Variants in EEF1G observed in about 807,000 individuals in gnomAD.
The protein encoded by EEF1G is eukaryotic translation elongation factor 1 gamma.
EEF1G carries 14 observed loss-of-function variants against 58.3 expected under a neutral mutation model. The observed-to-expected ratio is 0.24, with a 90% CI of 0.16 to 0.38. The LOEUF (loss-of-function observed/expected upper bound fraction) is 0.38. EEF1G is among the 10% of genes least tolerant of loss of function. The probability of loss-of-function intolerance (pLI) is 1.00; values close to 1 mark genes in which losing one functional copy is unlikely to be tolerated. For synonymous variants in EEF1G, 180 were observed against 206.8 expected (o/e 0.87, Z 1.11); for missense variants, 322 against 550.1 (o/e 0.59, Z 4.15).
In EEF1G at chr11:62,571,605, C is replaced by T. The variant is rs1402884316; in HGVS notation, c.313G>A (p.Asp105Asn). 7 of 1,589,610 alleles carry T rather than the reference C, an allele frequency of 4.4e-6. No homozygotes were observed. Among genetic ancestry groups the T allele is most frequent in the Middle Eastern group, 1.7e-4 (1 of 6,032 alleles). The stretch of plus-strand genomic sequence containing the variant: ...CAGGTACTGGCTGGGGGCACTATAT[C>T]GGAATCAGCAAAGCTCACCCACTGC... ...VVQWVSFADS[D>N]IVPPASTWVF... Residue 105 changes from aspartate (D) to asparagine (N), a missense_variant, in exon 4 of 10, where the codon GAT (aspartate) becomes AAT (asparagine). Asp to Asn is a conservative substitution (Grantham distance 23, BLOSUM62 1). Around this residue, in one of 3 missense-constraint regions of EEF1G, gnomAD observed 52 missense variants for 139.4 expected, o/e 0.37. Transcript: ENST00000329251.
Position 62,560,321 on chromosome 11 carries a change from C to G in EEF1G, c.991G>C (p.Glu331Gln), listed in dbSNP as rs767502960. Residue 331 changes from glutamate (E) to glutamine (Q), a missense_variant, in exon 8 of 10, where the codon GAA becomes CAA. Coordinates refer to ENST00000329251, the MANE Select transcript of EEF1G (RefSeq NM_001404.5). ...CAGCTCATGAAGGTCTGAGTGAGTT[C>G]TTCAGGGAAGCGATACTCTGAGTAC... ...LWYSEYRFPE[E>Q]LTQTFMSCNL... 1.9e-6 allele frequency: 3 copies of G among 1,612,288 alleles called. No individual in the cohort carries two copies. The highest frequency in any genetic ancestry group is 2.5e-6 in the Non-Finnish European group (3 of 1,179,048).
intron 7 of EEF1G, among the ~76,000 whole-genome samples, chr11:62,562,788 C>G (rs920237375): frequency 6.6e-6 from 1 of 151,724 alleles, no homozygotes; most frequent in Non-Finnish European, 1.5e-5. Flanking sequence ...CCAGGATAAT[C>G]TTTTATGTAT....
intron 4 of EEF1G, 81 bp downstream of exon 4, chr11:62,571,459 A>T: frequency 6.8e-7 from 1 of 1,480,980 alleles, no homozygotes. Context: ...CTTTTTTTCA[A>T]CCTATTTTAT....
intron 7 of EEF1G, among the ~76,000 whole-genome samples, chr11:62,563,158 G>C (rs1941518393): frequency 6.6e-6 from 1 of 151,584 alleles, no homozygotes; most frequent in African/African-American, 2.4e-5. Flanking sequence ...ACGGAGTCTA[G>C]CTCTGTTGCC....
intron 7 of EEF1G, 127 bp from the exon 8 acceptor site, chr11:62,560,581 A>G: frequency 9.4e-7 from 1 of 1,066,466 alleles, no homozygotes; most frequent in South Asian, 1.6e-5. Flanking sequence ...GCAGATGTGT[A>G]TGACCTTATG....
intron 2 of EEF1G, among the ~76,000 whole-genome samples, chr11:62,572,160 G>A (rs1299889285): frequency 6.6e-6 from 1 of 152,020 alleles, no homozygotes; most frequent in Admixed American, 6.6e-5. Context: ...CAAACAAGCA[G>A]AAGGCCAAAA....
Position 62,560,514 on chromosome 11 carries a change from A to C in EEF1G, c.858-60T>G. ...GGAGGAAGGTTGCCAGGCTAAGAGA[A>C]GTGAAGGGTGCTTTCACTTAAAATT... On this transcript the variant is annotated intron_variant, in intron 7 of 9. Transcript: ENST00000329251. 3 of 1,555,626 alleles carry C rather than the reference A, an allele frequency of 1.9e-6. No homozygotes were observed. The South Asian group carries it at 3.5e-5, about 18-fold the overall frequency.
At chr11:62,571,764 C>T (rs1302285490) in intron 3 of EEF1G, 74 bp downstream of exon 3, 6 of 1,561,274 alleles carry the variant, frequency 3.8e-6, no homozygotes, top group Non-Finnish European at 5.2e-6. Flanking sequence ...TTCATATCCA[C>T]CCCCGCTCAC....
chr11:62,566,109 T>C (rs1941552735), intron 7 of EEF1G, among the ~76,000 whole-genome samples: 2 of 152,302 alleles, frequency 1.3e-5, no homozygotes, highest in Non-Finnish European at 1.5e-5. Context: ...GGAGCAGTGA[T>C]GGAAGAAAGA....
In EEF1G at chr11:62,559,730, C is replaced by G. The variant is rs768449639; in HGVS notation, c.1263G>C (p.Gly421=). ...TLVREYFSWE[G]AFQHVGKAFN... is the part of the protein sequence containing the mutation. The stretch of plus-strand genomic sequence containing the variant: ...AGGCTTTGCCCACATGCTGGAAGGC[C>G]CCCTCCCAGGAAAAGTACTCTCGAA... Residue 421 remains glycine, a synonymous_variant, in exon 10 of 10, where the codon GGG becomes GGC. Coordinates refer to ENST00000329251, the MANE Select transcript of EEF1G (RefSeq NM_001404.5). The G allele has an allele frequency of 6.2e-7, 1 of 1,613,968 alleles. No homozygotes were observed. The highest frequency in any genetic ancestry group is 8.5e-7 in the Non-Finnish European group (1 of 1,179,890).
At chr11:62,563,059 G>A (rs920503007) in intron 7 of EEF1G, among the ~76,000 whole-genome samples, 1 of 150,982 alleles carries the variant, frequency 6.6e-6, no homozygotes, top group Admixed American at 6.6e-5. Flanking sequence ...GCAGTGAGCC[G>A]AGATCACACC....
At chr11:62,568,782 G>A (rs1941588243) in intron 5 of EEF1G, among the ~76,000 whole-genome samples, 1 of 151,786 alleles carries the variant, frequency 6.6e-6, no homozygotes, top group South Asian at 2.1e-4. Flanking sequence ...AGACCAGCCT[G>A]GCAAACATGG....
intron 2 of EEF1G, 108 bp from the exon 3 acceptor site, chr11:62,572,009 CACTATCCAA>C: frequency 1.1e-6 from 1 of 951,984 alleles, no homozygotes; most frequent in Non-Finnish European, 1.6e-6. Context: ...TGATGATTCT[CACTATCCAA>C]ACTCTTGATA....
intron 1 of EEF1G, 158 bp downstream of exon 1, chr11:62,573,673 C>T: frequency 9.3e-7 from 1 of 1,077,838 alleles, no homozygotes. Context: ...CAGTTCCCCT[C>T]CAGGCCCTAG....
chr11:62,561,502 A>C (rs1037363765), intron 7 of EEF1G, among the ~76,000 whole-genome samples: 1 of 138,762 alleles, frequency 7.2e-6, no homozygotes, highest in Non-Finnish European at 1.6e-5. Context: ...GTGAAAACCT[A>C]TCTCTACTAA....
At chr11:62,562,114 G>A (rs552235071) in intron 7 of EEF1G, among the ~76,000 whole-genome samples, 330 of 152,274 alleles carry the variant, frequency 2.2e-3, no homozygotes, top group Non-Finnish European at 3.7e-3. Context: ...CACCTGGTAC[G>A]GTTGCTTTTT....
Position 62,560,096 on chromosome 11 carries a change from G to C in EEF1G, c.1128C>G (p.Val376=), listed in dbSNP as rs1941477820. ...GAAAGGCAAGCTCCTGGCCTCGGAA[G>C]ACCCAGACTCCAGAAATGGAGCTGC... ...NNSSSISGVW[V]FRGQELAFPL... is the part of the protein sequence containing the mutation. Residue 376 remains valine, a synonymous_variant, in exon 9 of 10, where the codon GTC becomes GTG. Coordinates refer to ENST00000329251, the MANE Select transcript of EEF1G (RefSeq NM_001404.5). The C allele has an allele frequency of 1.2e-6, 2 of 1,614,016 alleles. No individual in the cohort carries two copies. The highest frequency in any genetic ancestry group is 1.7e-6 in the Non-Finnish European group (2 of 1,179,896).
intron 7 of EEF1G, among the ~76,000 whole-genome samples, chr11:62,561,688 A>AAAAACAAAAC (rs1941498085): frequency 7.1e-6 from 1 of 140,432 alleles, no homozygotes; most frequent in African/African-American, 2.6e-5. Context: ...AAAACAAAAA[A>AAAAACAAAAC]AAAAAAAACA....
At chr11:62,571,360 A>G (rs1318422745) in intron 4 of EEF1G, among the ~76,000 whole-genome samples, 180 bp downstream of exon 4, 1 of 152,166 alleles carries the variant, frequency 6.6e-6, no homozygotes, top group Non-Finnish European at 1.5e-5. Flanking sequence ...CTGATCACTC[A>G]TGACAGACAC....
Sources: gnomAD v4.1 joint callset for allele counts (sites outside exome capture counted in the v4.1 genomes callset) on GRCh38, gnomAD v4.1.1 for gene constraint, gnomAD v4.1.1 regional missense constraint, MANE v1.5 for transcripts, NCBI Gene and HGNC (gene_info 2026-07-23, HGNC 2026-07-21) for gene names.